CELF2: variants seen among roughly 807,000 people sequenced by gnomAD.
CELF2 encodes CUG triplet repeat RNA-binding protein 2.
In CELF2, 8 loss-of-function variants were observed where a neutral mutation model predicts 62.6. The observed-to-expected ratio is 0.13, with a 90% CI of 0.07 to 0.23. The LOEUF is 0.23. Ranked by LOEUF, CELF2 falls within the 10% of genes least tolerant of loss-of-function variation. The probability of loss-of-function intolerance (pLI) is 1.00; values close to 1 mark genes in which losing one functional copy is unlikely to be tolerated. For synonymous variants in CELF2, 258 were observed against 250.0 expected (o/e 1.03, Z -0.30); for missense variants, 333 against 671.0 (o/e 0.50, Z 5.56).
the CELF2 span, among the ~76,000 whole-genome samples, chr10:10,674,821 TGA>T: frequency 3.4e-5 from 5 of 149,008 alleles, no homozygotes; most frequent in Non-Finnish European, 7.4e-5. Flanking sequence ...GCCACTTGTG[TGA>T]GTGTGCCACT....
Position 11,314,423 on chromosome 10 carries a change from C to T in CELF2, c.1096+165C>T, listed in dbSNP as rs1323871766. 1.3e-5 allele frequency: 11 copies of T among 855,698 alleles called. No individual in the cohort carries two copies. Among genetic ancestry groups the T allele is most frequent in the East Asian group, 5.3e-5 (2 of 37,852 alleles). 53.0% of individuals were successfully genotyped at this position (855,698 alleles called of 1,614,324 possible). A position where few individuals can be genotyped will look rare whatever the true frequency, so the allele number is the denominator to read the frequency against. On this transcript the variant is annotated intron_variant, in intron 10 of 12. Coordinates refer to ENST00000633077, the MANE Select transcript of CELF2 (RefSeq NM_001326342.2). This position sits in a 1 kb window ranked among gnomAD's most constrained non-coding sequence, Gnocchi z 5.3. Reference sequence around the variant, plus strand: ...TTGATAGGCAAAAGCTGTCTACACTCGTTTTGCCTCAGAAAATCCCCAACC... The same window carrying T: ...TTGATAGGCAAAAGCTGTCTACACTTGTTTTGCCTCAGAAAATCCCCAACC...
chr10:10,821,860 C>T (rs980424757), intron 1 of CELF2, among the ~76,000 whole-genome samples: 1 of 152,158 alleles, frequency 6.6e-6, no homozygotes, highest in African/African-American at 2.4e-5. Flanking sequence ...AGGCTGGTCT[C>T]GAATTCCTGG....
chr10:11,157,327 T>C lies in CELF2; in HGVS notation c.75-8159T>C, dbSNP rs941521127. Among the ~76,000 whole-genome samples the C allele has an allele frequency of 6.6e-6, 1 of 152,186 alleles. No individual in the cohort carries two copies. The highest frequency in any genetic ancestry group is 1.5e-5 in the Non-Finnish European group (1 of 68,046). ...TCCCCAGTTTTTTGTTTCGTTTCAA[T>C]GCCATTGCCAACTAGGTGAAATGGT... On this transcript the variant is annotated intron_variant, in intron 1 of 12. Coordinates refer to ENST00000633077, the MANE Select transcript of CELF2 (RefSeq NM_001326342.2). This position sits in a 1 kb window ranked among gnomAD's most constrained non-coding sequence, Gnocchi z 4.9.
At chr10:10,918,992 C>G (rs1243635243) in intron 1 of CELF2, among the ~76,000 whole-genome samples, 1 of 152,056 alleles carries the variant, frequency 6.6e-6, no homozygotes, top group African/African-American at 2.4e-5. Flanking sequence ...AGAGATGGGC[C>G]AGGTGCGGTG....
chr10:11,086,798 G>T (rs1594931533), intron 1 of CELF2, among the ~76,000 whole-genome samples: 1 of 152,208 alleles, frequency 6.6e-6, no homozygotes, highest in South Asian at 2.1e-4. Context: ...TTCCTGCATG[G>T]TTAGACCAAA....
intron 1 of CELF2, among the ~76,000 whole-genome samples, chr10:11,094,658 G>T (rs1257730407): frequency 1.3e-5 from 2 of 152,200 alleles, no homozygotes; most frequent in African/African-American, 4.8e-5. Context: ...ATTTTTAAAG[G>T]TAGAAAAGAG....
At chr10:10,790,528 A>G in the CELF2 span, among the ~76,000 whole-genome samples, 1 of 152,136 alleles carries the variant, frequency 6.6e-6, no homozygotes, top group African/African-American at 2.4e-5. Flanking sequence ...CGTGGGAATT[A>G]TTTTCCTTTA....
chr10:11,288,352 C>G, intron 8 of CELF2, 66 bp from the exon 9 acceptor site: 2 of 1,582,958 alleles, frequency 1.3e-6, no homozygotes, highest in Non-Finnish European at 8.6e-7. Context: ...GATGAGCCTG[C>G]TCTTGTTTGG....
chr10:11,225,347 A>G (rs2066147465), intron 3 of CELF2, among the ~76,000 whole-genome samples: 1 of 152,176 alleles, frequency 6.6e-6, no homozygotes, highest in African/African-American at 2.4e-5. Context: ...AAACGCTTGC[A>G]ATGCCCTCTG....
the CELF2 span, chr10:10,789,010 T>C: frequency 1.3e-5 from 2 of 152,092 alleles, no homozygotes; most frequent in African/African-American, 4.8e-5. Context: ...GATTTTCCTG[T>C]GGCTGGTCTT....
intron 2 of CELF2, among the ~76,000 whole-genome samples, chr10:10,975,284 A>AT: frequency 6.6e-6 from 1 of 152,146 alleles, no homozygotes; most frequent in South Asian, 2.1e-4. Flanking sequence ...CGCCCAGCTA[A>AT]TTTTTTAATT....
intron 2 of CELF2, among the ~76,000 whole-genome samples, chr10:11,213,262 A>C (rs1232014698): frequency 2.0e-5 from 3 of 152,084 alleles, no homozygotes; most frequent in African/African-American, 7.2e-5. Context: ...TACCCCTTAC[A>C]CCGATGTTGG....
chr10:10,715,248 A>G, the CELF2 span, among the ~76,000 whole-genome samples: 1 of 152,192 alleles, frequency 6.6e-6, no homozygotes, highest in East Asian at 1.9e-4. Context: ...AAGGAGAGAA[A>G]AGGCACCTTT....
the CELF2 span, among the ~76,000 whole-genome samples, chr10:10,673,220 C>T: frequency 6.6e-6 from 1 of 152,016 alleles, no homozygotes; most frequent in Admixed American, 6.5e-5. Flanking sequence ...CGTAGACTAC[C>T]ATGTAATGTC....
At chr10:10,986,253 T>C (rs868643159) in intron 2 of CELF2, among the ~76,000 whole-genome samples, 3 of 152,222 alleles carry the variant, frequency 2.0e-5, no homozygotes, top group African/African-American at 4.8e-5. Context: ...TTGATTTTCA[T>C]ATAATTTGCT....
the CELF2 span, among the ~76,000 whole-genome samples, chr10:10,512,401 C>CTTTT: frequency 5.0e-4 from 55 of 109,160 alleles, no homozygotes; most frequent in Non-Finnish European, 7.7e-4. Context: ...TTTTGGAACG[C>CTTTT]TTTTTTTTTT....
At chr10:11,036,654 T>G (rs2060997261) in intron 1 of CELF2, among the ~76,000 whole-genome samples, 1 of 152,210 alleles carries the variant, frequency 6.6e-6, no homozygotes, top group Non-Finnish European at 1.5e-5. Context: ...CCTTTTAGCC[T>G]CCTCAGACCA....
At chr10:10,788,346 G>T in the CELF2 span, among the ~76,000 whole-genome samples, 10 of 145,958 alleles carry the variant, frequency 6.9e-5, no homozygotes, top group African/African-American at 2.5e-4. Flanking sequence ...ATTATAGAAA[G>T]AAATATATGG....
chr10:10,480,346 G>T, the CELF2 span, among the ~76,000 whole-genome samples: 105 of 152,070 alleles, frequency 6.9e-4, 1 homozygote, highest in Admixed American at 2.6e-4. Context: ...TAATAACCAG[G>T]TTTATTTGAG....
Sources: allele counts gnomAD v4.1 joint callset (sites outside exome capture counted in the v4.1 genomes callset), GRCh38; gene constraint gnomAD v4.1.1; non-coding constraint Gnocchi (gnomAD v3.1); transcripts MANE v1.5; gene names NCBI Gene and HGNC (gene_info 2026-07-23, HGNC 2026-07-21).